The following PKHD1 variants were observed in gnomAD, a reference collection of about 807,000 sequenced individuals.
The protein encoded by PKHD1 is fibrocystin.
Under a neutral mutation model 412.0 loss-of-function variants are expected in PKHD1, and 291 were observed. The ratio of observed to expected loss-of-function variants is 0.71; its 90% CI spans 0.64 to 0.78. The LOEUF is 0.78. PKHD1 is among the 30% of genes least tolerant of loss of function. PKHD1 has a pLI of 0.00. For synonymous variants in PKHD1, 1,777 were observed against 1,821.5 expected, an observed-to-expected ratio of 0.98 and a Z score of 0.62; for missense variants, 4,825 against 4,950.7, an observed-to-expected ratio of 0.97 and a Z score of 0.76.
Position 51,670,971 on chromosome 6 carries a change from G to T in PKHD1, c.10157-11002C>A, listed in dbSNP as rs1374511691. 2.0e-5 allele frequency among the ~76,000 whole-genome samples: 3 copies of T among 151,904 alleles called. No homozygotes were observed. The East Asian group carries it at 5.8e-4, about 29-fold the overall frequency. On this transcript the variant is annotated intron_variant, in intron 60 of 66. Coordinates refer to ENST00000371117, the MANE Select transcript of PKHD1 (RefSeq NM_138694.4). ...GGTAACCAGACCTTTCTCTCTGGCTGCCCTTAACATTTTTTCCTTCATTTC... is the reference window on the plus strand; with the variant it reads ...GGTAACCAGACCTTTCTCTCTGGCTTCCCTTAACATTTTTTCCTTCATTTC...
At position 51,659,246 on chromosome 6, in the gene PKHD1, C is replaced by A. The variant is rs1772412818; in HGVS notation, c.10880G>T (p.Cys3627Phe). Residue 3627 changes from cysteine (C) to phenylalanine (F), a missense_variant, in exon 61 of 67, where the codon TGC (cysteine) becomes TTC (phenylalanine). By Grantham distance (205) the Cys-to-Phe change is radical. Transcript: ENST00000371117. ...KRKRNCPTVT[C>F]TSHYRRVGQR... ...ACCAACTCTTCTATAATGACTAGTG[C>A]AAGTCACAGTAGGGCAATTGCGCTT... 6.2e-7 allele frequency: 1 copy of A among 1,613,862 alleles called. No homozygotes were observed.
intron 36 of PKHD1, among the ~76,000 whole-genome samples, chr6:51,949,557 G>A (rs180688875): frequency 2.4e-4 from 37 of 152,302 alleles, no homozygotes; most frequent in Admixed American, 1.8e-3. Flanking sequence ...GGCAAGATCC[G>A]GATTAGACTT....
At chr6:51,725,688 G>A (rs1782490705) in intron 60 of PKHD1, among the ~76,000 whole-genome samples, 1 of 152,188 alleles carries the variant, frequency 6.6e-6, no homozygotes. Flanking sequence ...TCATTTCACA[G>A]GTCATTATTG....
chr6:51,655,470 T>C (rs1337580060), intron 61 of PKHD1, among the ~76,000 whole-genome samples: 8 of 152,064 alleles, frequency 5.3e-5, no homozygotes. Context: ...GATAAGTATA[T>C]ACACATTGCA....
At chr6:51,796,319 GTTGT>G (rs1006171969) in intron 52 of PKHD1, among the ~76,000 whole-genome samples, 2 of 151,912 alleles carry the variant, frequency 1.3e-5, no homozygotes, top group South Asian at 2.1e-4. Flanking sequence ...TTCCCTGAGG[GTTGT>G]TTGTGTTTCT....
At chr6:52,050,374 T>C (rs1806622009) in intron 21 of PKHD1, 79 bp from the exon 22 acceptor site, 1 of 1,434,350 alleles carries the variant, frequency 7.0e-7, no homozygotes, top group Admixed American at 1.7e-5. Context: ...GTTGGAAATG[T>C]GAGTTACTCA....
At chr6:51,750,855 C>T (rs1274639879) in intron 57 of PKHD1, among the ~76,000 whole-genome samples, 3 of 152,290 alleles carry the variant, frequency 2.0e-5, no homozygotes, top group East Asian at 1.9e-4. Flanking sequence ...CAGCTCACTG[C>T]AACCTCCATC....
chr6:51,836,725 GA>G (rs1350867649), intron 50 of PKHD1, among the ~76,000 whole-genome samples: 2 of 152,188 alleles, frequency 1.3e-5, no homozygotes, highest in African/African-American at 4.8e-5. Flanking sequence ...AACAAAAACA[GA>G]AACGAAACCT....
chr6:51,906,298 C>T lies in PKHD1; in HGVS notation c.6725G>A (p.Arg2242Lys). Residue 2242 changes from arginine (R) to lysine (K), a missense_variant, in exon 41 of 67, where the codon AGA becomes AAA. Arg to Lys is a conservative substitution (Grantham distance 26). Transcript: ENST00000371117. ...QGCTVRNSFS[R>K]GLSMCGTLGL... ...CAAGGTCCCGCACATGCTGAGGCCT[C>T]TACTGAAGGAGTTCCTCACTGTGCA... The T allele has an allele frequency of 6.2e-7, 1 of 1,609,742 alleles. No individual in the cohort carries two copies. The highest frequency in any genetic ancestry group is 8.5e-7 in the Non-Finnish European group (1 of 1,176,284).
chr6:51,690,469 C>T (rs573703351), intron 60 of PKHD1, among the ~76,000 whole-genome samples: 1 of 152,142 alleles, frequency 6.6e-6, no homozygotes, highest in East Asian at 1.9e-4. Flanking sequence ...GAGAACAAGA[C>T]ACAGACCAAT....
chr6:51,800,152 G>A (rs1016564737), intron 52 of PKHD1, among the ~76,000 whole-genome samples: 1 of 152,142 alleles, frequency 6.6e-6, no homozygotes, highest in Non-Finnish European at 1.5e-5. Flanking sequence ...TAGCCATGGG[G>A]TGGTGCCTCT....
In PKHD1 at chr6:51,627,084, T is replaced by C; in HGVS notation, c.11698A>G (p.Thr3900Ala). 4 of 1,610,622 alleles carry C rather than the reference T, an allele frequency of 2.5e-6. No homozygotes were observed. Among genetic ancestry groups the C allele is most frequent in the Non-Finnish European group, 3.4e-6 (4 of 1,176,958 alleles). Residue 3900 changes from threonine (T) to alanine (A), a missense_variant, in exon 66 of 67, where the codon ACT becomes GCT. Physicochemically the swap from Thr to Ala is moderately conservative, Grantham distance 58. Transcript: ENST00000371117. Reference sequence around the variant, plus strand: ...TGGATATGAATATTTTGATTATTAGTCTGGGATTCAGGAATCTCTTCAGGT... The same window carrying C: ...TGGATATGAATATTTTGATTATTAGCCTGGGATTCAGGAATCTCTTCAGGT... ...TKPEEIPESQ[T>A]NNQNIHIHIS...
chr6:51,663,386 TATAA>T (rs1260358623), intron 60 of PKHD1, among the ~76,000 whole-genome samples: 11 of 152,218 alleles, frequency 7.2e-5, no homozygotes, highest in Non-Finnish European at 1.3e-4. Flanking sequence ...CTGTTATAAT[TATAA>T]ATAAATAATT....
rs536783961 is a variant in PKHD1, at chr6:51,759,488, G to A, written c.8643-4550C>T. Among the ~76,000 whole-genome samples the A allele has an allele frequency of 3.9e-5, 6 of 152,122 alleles. No individual in the cohort carries two copies. The South Asian group carries it at 1.2e-3, about 32-fold the overall frequency. On this transcript the variant is annotated intron_variant, in intron 55 of 66. Coordinates refer to ENST00000371117, the MANE Select transcript of PKHD1 (RefSeq NM_138694.4). Reference sequence around the variant, plus strand: ...CTCACTGGTGGTATAGCTAGGAAAAGCCAAACAGATCTGAGTTCACTTGCA... The same window carrying A: ...CTCACTGGTGGTATAGCTAGGAAAAACCAAACAGATCTGAGTTCACTTGCA...
At chr6:52,081,109 G>C (rs1386044631) in intron 4 of PKHD1, among the ~76,000 whole-genome samples, 1 of 151,920 alleles carries the variant, frequency 6.6e-6, no homozygotes, top group Non-Finnish European at 1.5e-5. Context: ...CAATCAATTA[G>C]TATATTTAAT....
In PKHD1 at chr6:51,885,937, G is replaced by A. The variant is rs1401719634; in HGVS notation, c.7145C>T (p.Pro2382Leu). The A allele has an allele frequency of 6.2e-7, 1 of 1,612,948 alleles. No individual in the cohort carries two copies. Among genetic ancestry groups the A allele is most frequent in the Admixed American group, 1.7e-5 (1 of 59,954 alleles). The change falls in exon 45 of 67, where the codon CCT becomes CTT. Residue 2382 changes from proline to leucine, a missense_variant. Transcript: ENST00000371117. ...AGTGGTGCCAGTGACATTATCCCAA[G>A]GTGGCTGAAATTTAGGGTATACAAA... ...GLFVYPKFQP[P>L]WDNVTGTTLF...
intron 60 of PKHD1, among the ~76,000 whole-genome samples, chr6:51,674,453 C>G (rs1489816634): frequency 1.3e-5 from 2 of 152,158 alleles, no homozygotes; most frequent in Non-Finnish European, 2.9e-5. Context: ...TCTTCCTTCT[C>G]TACTTCCCTT....
intron 55 of PKHD1, among the ~76,000 whole-genome samples, chr6:51,770,165 C>T (rs962561219): frequency 4.0e-5 from 6 of 151,492 alleles, no homozygotes; most frequent in African/African-American, 1.5e-4. Flanking sequence ...GAGATAAATA[C>T]GTGTCTTAGA....
intron 45 of PKHD1, among the ~76,000 whole-genome samples, chr6:51,885,622 G>A (rs1283963249): frequency 6.6e-6 from 1 of 152,118 alleles, no homozygotes. Flanking sequence ...TTCTAGGGTT[G>A]CCAAAAACAC....
Sources: allele counts gnomAD v4.1 joint callset (sites outside exome capture counted in the v4.1 genomes callset), GRCh38; gene constraint gnomAD v4.1.1; transcripts MANE v1.5; gene names NCBI Gene and HGNC (gene_info 2026-07-23, HGNC 2026-07-21).